PDE4D: variants seen among roughly 807,000 people sequenced by gnomAD.
PDE4D encodes the protein phosphodiesterase 4D, also known as 3',5'-cyclic-AMP phosphodiesterase 4D.
Under a neutral mutation model 87.4 loss-of-function variants are expected in PDE4D, and 24 were observed. That is an observed-to-expected ratio of 0.27 (90% CI 0.20 to 0.39). PDE4D has a LOEUF of 0.39. PDE4D is among the 10% of genes least tolerant of loss of function. The pLI is 1.00. For synonymous variants in PDE4D, 384 were observed against 383.2 expected (o/e 1.00, Z -0.02); for missense variants, 714 against 1,041.0 (o/e 0.69, Z 4.32).
chr5:59,930,478 C>A (rs1044939933), intron 3 of PDE4D, among the ~76,000 whole-genome samples: 4 of 152,124 alleles, frequency 2.6e-5, no homozygotes, highest in African/African-American at 9.7e-5. Flanking sequence ...AGGAGAGAGG[C>A]AAGGAAAGGA....
At chr5:60,439,724 T>C (rs1247220339) in intron 1 of PDE4D, among the ~76,000 whole-genome samples, 4 of 151,946 alleles carry the variant, frequency 2.6e-5, no homozygotes, top group Non-Finnish European at 5.9e-5. Flanking sequence ...TCCACCCACC[T>C]CTCTCCATCT....
chr5:59,489,773 G>A (rs1805851515), intron 1 of PDE4D, among the ~76,000 whole-genome samples: 1 of 152,076 alleles, frequency 6.6e-6, no homozygotes, highest in Non-Finnish European at 1.5e-5. Flanking sequence ...CTGTTGTGTG[G>A]GTGAGTCCCA....
rs539622316 is a variant in PDE4D at position 60,324,314 on chromosome 5, CATCTGTCCTT to C, written c.-89-138637_-89-138628del. 1.3e-3 allele frequency among the ~76,000 whole-genome samples: 197 copies of C among 152,326 alleles called. 1 individual carries two copies. The highest frequency in any genetic ancestry group is 4.6e-3 in the African/African-American group (192 of 41,574). On this transcript the variant is annotated intron_variant, in intron 1 of 16. Coordinates refer to the PDE4D transcript ENST00000502484. ...ATTTTATTTTTCACACTGCACCTAA[CATCTGTCCTT>C]ATAATAAACTAGGAGCATCTCTGTT... is the stretch of plus-strand genomic sequence containing the variant.
At chr5:60,087,243 A>G (rs1214790517) in intron 2 of PDE4D, among the ~76,000 whole-genome samples, 1 of 152,232 alleles carries the variant, frequency 6.6e-6, no homozygotes, top group Non-Finnish European at 1.5e-5. Context: ...TTGAAGTTTC[A>G]TTACTAAGGA....
chr5:59,497,597 C>T (rs1457556972), intron 1 of PDE4D, among the ~76,000 whole-genome samples: 1 of 151,684 alleles, frequency 6.6e-6, no homozygotes, highest in Non-Finnish European at 1.5e-5. Context: ...TTTCAGGGCT[C>T]GAAGACTAGC....
At chr5:59,920,813 GA>G (rs1295498471) in intron 3 of PDE4D, among the ~76,000 whole-genome samples, 1 of 135,324 alleles carries the variant, frequency 7.4e-6, no homozygotes, top group African/African-American at 2.8e-5. Context: ...TGAACAATGA[GA>G]ACACTTGGAC....
intron 2 of PDE4D, among the ~76,000 whole-genome samples, chr5:60,064,704 T>C (rs568810855): frequency 2.0e-3 from 304 of 152,276 alleles, no homozygotes; most frequent in African/African-American, 7.0e-3. Context: ...CAAGTCCCTC[T>C]TGTATTATTT....
intron 1 of PDE4D, among the ~76,000 whole-genome samples, chr5:59,710,368 T>G (rs1754035737): frequency 6.6e-6 from 1 of 152,172 alleles, no homozygotes; most frequent in African/African-American, 2.4e-5. Flanking sequence ...AGCCTACATT[T>G]ATATACAGAA....
At chr5:60,186,143 C>A (rs1313471581) in intron 1 of PDE4D, among the ~76,000 whole-genome samples, 1 of 152,098 alleles carries the variant, frequency 6.6e-6, no homozygotes, top group Admixed American at 6.6e-5. Flanking sequence ...TGCATCATTG[C>A]GTCTTGTTTC....
At chr5:59,836,656 A>ATCTATCTATATATCTATCTATCTT (rs1207936243) in intron 1 of PDE4D, among the ~76,000 whole-genome samples, 66 of 149,274 alleles carry the variant, frequency 4.4e-4, no homozygotes, top group African/African-American at 1.6e-3. Flanking sequence ...CTATCTATCT[A>ATCTATCTATATATCTATCTATCTT]TCATCTATCT....
At chr5:59,095,129 C>T (rs1245334809) in intron 5 of PDE4D, among the ~76,000 whole-genome samples, 1 of 151,666 alleles carries the variant, frequency 6.6e-6, no homozygotes, top group Non-Finnish European at 1.5e-5. Flanking sequence ...TTGTATACTG[C>T]CACTCAATTT....
chr5:59,265,302 C>G (rs914772218), intron 1 of PDE4D, among the ~76,000 whole-genome samples: 61 of 151,904 alleles, frequency 4.0e-4, no homozygotes, highest in African/African-American at 1.5e-3. Context: ...GGTTTAGCTT[C>G]CCACTGACCA....
At chr5:59,150,822 G>GA (rs1244669423) in intron 5 of PDE4D, among the ~76,000 whole-genome samples, 3 of 151,570 alleles carry the variant, frequency 2.0e-5, no homozygotes, top group African/African-American at 4.8e-5. Flanking sequence ...GGTGTCAAGA[G>GA]AAAAAAAAAT....
chr5:60,143,603 TTGTGTG>T (rs34236719), intron 2 of PDE4D, among the ~76,000 whole-genome samples: 8,563 of 117,686 alleles, frequency 0.073, 556 homozygotes, highest in African/African-American at 0.21. Context: ...AGCTTGGGAA[TTGTGTG>T]TGTGTGTGTG....
intron 2 of PDE4D, among the ~76,000 whole-genome samples, chr5:60,015,665 G>GTAAAATAGAGTA (rs796147473): frequency 1.7e-4 from 26 of 152,212 alleles, no homozygotes; most frequent in African/African-American, 6.3e-4. Flanking sequence ...CAGTAAATGA[G>GTAAAATAGAGTA]TAAAATAGAG....
At chr5:59,623,877 A>T (rs1168509160) in intron 1 of PDE4D, among the ~76,000 whole-genome samples, 1 of 152,238 alleles carries the variant, frequency 6.6e-6, no homozygotes, top group African/African-American at 2.4e-5. Flanking sequence ...TGTCAATAGA[A>T]AATAATAATG....
At chr5:60,046,452 A>C (rs1456478802) in intron 2 of PDE4D, among the ~76,000 whole-genome samples, 3 of 152,198 alleles carry the variant, frequency 2.0e-5, no homozygotes, top group African/African-American at 7.2e-5. Flanking sequence ...GCCAGTTTTC[A>C]AAGGGAATGC....
chr5:59,546,422 T>C (rs770716200), intron 1 of PDE4D, among the ~76,000 whole-genome samples: 2 of 152,186 alleles, frequency 1.3e-5, no homozygotes, highest in Admixed American at 6.6e-5. Flanking sequence ...GTTAATATTA[T>C]GTGCCTTTTA....
chr5:59,398,122 T>G (rs150676617), intron 1 of PDE4D, among the ~76,000 whole-genome samples: 1 of 147,876 alleles, frequency 6.8e-6, no homozygotes, highest in African/African-American at 2.5e-5. Context: ...CAGGACCAGA[T>G]GGATTCACAG....
Sources: allele counts gnomAD v4.1 joint callset (sites outside exome capture counted in the v4.1 genomes callset), GRCh38; gene constraint gnomAD v4.1.1; transcripts MANE v1.5; gene names NCBI Gene and HGNC (gene_info 2026-07-23, HGNC 2026-07-21).